The following TAF1A variants were observed in gnomAD, a reference collection of about 807,000 sequenced individuals.
The protein encoded by TAF1A is TATA-box binding protein associated factor, RNA polymerase I subunit A, also known as TATA box-binding protein-associated factor RNA polymerase I subunit A.
A neutral mutation model predicts 61.6 loss-of-function variants in TAF1A; 42 were observed. That is an observed-to-expected ratio of 0.68 (90% CI 0.53 to 0.88). The LOEUF is 0.88. Ranked by LOEUF, TAF1A falls within the 40% of genes least tolerant of loss-of-function variation. The pLI, the probability that TAF1A is intolerant of heterozygous loss-of-function variation, is 0.00. For missense variants in TAF1A, 424 were observed against 518.7 expected, an observed-to-expected ratio of 0.82 and a Z score of 1.77; for synonymous variants, 179 against 177.7, an observed-to-expected ratio of 1.01 and a Z score of -0.06.
At chr1:222,555,901 T>C (rs1302903136), downstream of TAF1A, among the ~76,000 whole-genome samples, 1 of 152,108 alleles carries the variant, frequency 6.6e-6, no homozygotes, top group Non-Finnish European at 1.5e-5. Context: ...TAACGTGTCT[T>C]AAAATAGTCG....
chr1:222,568,994 G>A (rs921134674), intron 7 of TAF1A: 1 of 162,006 alleles, frequency 6.2e-6, no homozygotes, highest in African/African-American at 2.4e-5. Context: ...GACTACATAA[G>A]AGTCCATTTA....
downstream of TAF1A, chr1:222,557,910 G>A (rs1475571743): frequency 6.9e-6 from 1 of 145,120 alleles, no homozygotes; most frequent in African/African-American, 2.6e-5. Context: ...TTGAGACAGA[G>A]TCTAGTTCTG....
At chr1:222,562,916 T>C (rs755797393) in intron 9 of TAF1A, among the ~76,000 whole-genome samples, 3 of 152,122 alleles carry the variant, frequency 2.0e-5, no homozygotes, top group Non-Finnish European at 4.4e-5. Flanking sequence ...GGAAAACACA[T>C]ACGTATTCCT....
At position 222,563,323 on chromosome 1, in the gene TAF1A, T is replaced by C. The variant is rs534424858; in HGVS notation, c.962-27A>G. On this transcript the variant is annotated intron_variant, in intron 8 of 10. Coordinates refer to ENST00000352967, the MANE Select transcript of TAF1A (RefSeq NM_005681.4). ...TGCAATGGTTTTAACAGTTCAAGTTTACATAAGGTATTAAAGTGTACAAAG... is the reference window on the plus strand; with the variant it reads ...TGCAATGGTTTTAACAGTTCAAGTTCACATAAGGTATTAAAGTGTACAAAG... 34 of 1,608,046 alleles carry C rather than the reference T, an allele frequency of 2.1e-5. No homozygotes were observed. The South Asian group carries it at 3.4e-4, about 16-fold the overall frequency.
intron 2 of TAF1A, among the ~76,000 whole-genome samples, chr1:222,587,105 G>A (rs1558156295): frequency 6.6e-6 from 1 of 152,122 alleles, no homozygotes; most frequent in Admixed American, 6.5e-5. Flanking sequence ...CAGGGATGCG[G>A]TAGCACTACC....
At chr1:222,564,584 C>T (rs1660047825) in intron 7 of TAF1A, among the ~76,000 whole-genome samples, 1 of 152,040 alleles carries the variant, frequency 6.6e-6, no homozygotes. Context: ...GTTAATTTCA[C>T]AGATTGTGCT....
chr1:222,561,216 C>G, intron 10 of TAF1A, 148 bp downstream of exon 10: 1 of 698,268 alleles, frequency 1.4e-6, no homozygotes, highest in Non-Finnish European at 2.2e-6. Context: ...AGTCCCAACT[C>G]AGGATTCACT....
chr1:222,570,724 T>C (rs891442207), intron 5 of TAF1A, 59 bp from the exon 6 acceptor site: 5 of 1,469,714 alleles, frequency 3.4e-6, no homozygotes, highest in South Asian at 2.9e-5. Context: ...TCTGTTAAAT[T>C]AGTAATTTAA....
intron 6 of TAF1A, among the ~76,000 whole-genome samples, chr1:222,570,330 T>C (rs1012267519): frequency 2.6e-5 from 4 of 152,230 alleles, no homozygotes; most frequent in Non-Finnish European, 5.9e-5. Context: ...TATACTGCTA[T>C]TTATTTTATA....
chr1:222,561,256 C>G lies in TAF1A; in HGVS notation c.1240+108G>C, dbSNP rs896582799. The G allele has an allele frequency of 2.6e-6, 3 of 1,165,522 alleles. No homozygotes were observed. The African/African-American group carries it at 4.7e-5, about 18-fold the overall frequency. The allele number at this position is 1,165,522 out of a possible 1,614,324, so 72.2% of individuals were successfully genotyped here. A position where few individuals can be genotyped will look rare whatever the true frequency, so the allele number is the denominator to read the frequency against. On this transcript the variant is annotated intron_variant, in intron 10 of 10. Coordinates refer to ENST00000352967, the MANE Select transcript of TAF1A (RefSeq NM_005681.4). ...CATTGAGCAGTTATGTCTTAAGCAC[C>G]TAATATTTTTAGGTACCATGTTAGG... is the stretch of plus-strand genomic sequence containing the variant.
chr1:222,564,316 T>TA (rs34892481), intron 7 of TAF1A, among the ~76,000 whole-genome samples, 191 bp from the exon 8 acceptor site: 14,261 of 110,514 alleles, frequency 0.13, 1,000 homozygotes, highest in Non-Finnish European at 0.16. Flanking sequence ...AAAGCTGTCT[T>TA]AAAAAAAAAA....
At position 222,588,581 on chromosome 1, in the gene TAF1A, A is replaced by AT. The variant is rs762582193; in HGVS notation, c.-2-17dup. 5 of 1,611,214 alleles carry AT rather than the reference A, an allele frequency of 3.1e-6. No individual in the cohort carries two copies. The African/African-American group carries it at 5.4e-5, about 17-fold the overall frequency. On this transcript the variant is annotated splice_polypyrimidine_tract_variant and intron_variant, in intron 1 of 10. Transcript: ENST00000352967. ...TCACTCATACCTATTACAAGATGAGATATCAGTTACTTTCTGTACATCTTA... is the reference window on the plus strand; with the variant it reads ...TCACTCATACCTATTACAAGATGAGATTATCAGTTACTTTCTGTACATCTTA...
At chr1:222,556,810 CT>C (rs1433809161), downstream of TAF1A, among the ~76,000 whole-genome samples, 1 of 152,170 alleles carries the variant, frequency 6.6e-6, no homozygotes, top group Non-Finnish European at 1.5e-5. Context: ...TGTTTTATAG[CT>C]TTTGACTAAA....
intron 1 of TAF1A, among the ~76,000 whole-genome samples, chr1:222,589,357 G>T (rs1407959122): frequency 6.6e-6 from 1 of 152,118 alleles, no homozygotes; most frequent in Non-Finnish European, 1.5e-5. Flanking sequence ...CTAGATTACC[G>T]CATCAGCTTT....
At chr1:222,585,047 T>C (rs1660957371) in intron 2 of TAF1A, among the ~76,000 whole-genome samples, 1 of 152,200 alleles carries the variant, frequency 6.6e-6, no homozygotes, top group African/African-American at 2.4e-5. Flanking sequence ...GTTAATCTCC[T>C]AGACAGCTGT....
At chr1:222,573,163 G>T (rs1167433165) in intron 5 of TAF1A, among the ~76,000 whole-genome samples, 3 of 152,182 alleles carry the variant, frequency 2.0e-5, no homozygotes, top group African/African-American at 2.4e-5. Flanking sequence ...CACCTACTCG[G>T]GAGGCTGAGG....
chr1:222,563,699 C>T (rs986778249), intron 8 of TAF1A, among the ~76,000 whole-genome samples: 4 of 152,158 alleles, frequency 2.6e-5, no homozygotes, highest in African/African-American at 9.7e-5. Flanking sequence ...ATGCTCTCTT[C>T]TATGGTGTGC....
chr1:222,569,325 A>AG, intron 7 of TAF1A, 185 bp downstream of exon 7: 1 of 1,521,076 alleles, frequency 6.6e-7, no homozygotes, highest in Non-Finnish European at 8.8e-7. Context: ...TCCGGGCAGC[A>AG]GGGGATAGTG....
downstream of TAF1A, among the ~76,000 whole-genome samples, chr1:222,557,628 G>A (rs1659751407): frequency 6.6e-6 from 1 of 150,692 alleles, no homozygotes; most frequent in South Asian, 2.1e-4. Flanking sequence ...TTTTTTTTTT[G>A]GTATTTTTAG....
Sources: allele counts gnomAD v4.1 joint callset (sites outside exome capture counted in the v4.1 genomes callset), GRCh38; gene constraint gnomAD v4.1.1; transcripts MANE v1.5; gene names NCBI Gene and HGNC (gene_info 2026-07-23, HGNC 2026-07-21).